Variants in KALRN observed in about 807,000 individuals in gnomAD.
KALRN encodes the protein kalirin RhoGEF kinase.
In KALRN, 70 loss-of-function variants were observed where a neutral mutation model predicts 353.7. That is an observed-to-expected ratio of 0.20 (90% CI 0.16 to 0.24). The LOEUF (loss-of-function observed/expected upper bound fraction) is 0.24. KALRN is among the 10% of genes least tolerant of loss of function. The pLI is 1.00. For synonymous variants in KALRN, 1,391 were observed against 1,434.8 expected, an observed-to-expected ratio of 0.97 and a Z score of 0.69; for missense variants, 2,791 against 3,756.7, an observed-to-expected ratio of 0.74 and a Z score of 6.72.
At chr3:124,380,653 C>T (rs1264405833) in intron 10 of KALRN, among the ~76,000 whole-genome samples, 1 of 152,242 alleles carries the variant, frequency 6.6e-6, no homozygotes, top group Non-Finnish European at 1.5e-5. Flanking sequence ...CAAGGTCAGA[C>T]TCTGGCTTTG....
chr3:124,714,547 C>T lies in KALRN; in HGVS notation c.8276+1412C>T, dbSNP rs193172427. Among the ~76,000 whole-genome samples, 326 of 152,286 alleles carry T rather than the reference C, an allele frequency of 2.1e-3. 3 individuals are homozygous for T. The highest frequency in any genetic ancestry group is 7.8e-3 in the African/African-American group (323 of 41,542). The stretch of plus-strand genomic sequence containing the variant: ...CTCATCTGTGAAGATTGAAATTCCT[C>T]CAACTTCCCAGAGATGTTGCAGGGA... On this transcript the variant is annotated intron_variant, in intron 58 of 59. Coordinates refer to ENST00000682506, the MANE Select transcript of KALRN (RefSeq NM_001388419.1).
intron 34 of KALRN, among the ~76,000 whole-genome samples, chr3:124,591,053 T>C (rs920891510): frequency 1.8e-4 from 27 of 152,182 alleles, no homozygotes; most frequent in African/African-American, 4.6e-4. Context: ...GGGTGTTGAC[T>C]GTGTTGATCT....
At chr3:124,259,300 C>T (rs985496237) in intron 3 of KALRN, among the ~76,000 whole-genome samples, 2 of 152,130 alleles carry the variant, frequency 1.3e-5, no homozygotes. Context: ...CTTGGAGAAG[C>T]GTAGGCATCA....
chr3:124,517,663 G>T (rs2066769056), intron 33 of KALRN, among the ~76,000 whole-genome samples: 1 of 152,116 alleles, frequency 6.6e-6, no homozygotes, highest in Non-Finnish European at 1.5e-5. Context: ...TCTCCAGCTT[G>T]GCTCCCCACT....
In KALRN at chr3:124,430,785, A is replaced by C. The variant is rs200375774; in HGVS notation, c.2829+10A>C. The C allele has an allele frequency of 3.7e-6, 6 of 1,613,278 alleles. No individual in the cohort carries two copies. The highest frequency in any genetic ancestry group is 5.1e-6 in the Non-Finnish European group (6 of 1,179,716). ...CCAACTGGCCATCGAGGTAACACCC[A>C]AATCTGGCTGCACTGTCCTCCCTTC... is the stretch of plus-strand genomic sequence containing the variant. On this transcript the variant is annotated intron_variant, in intron 16 of 59. Transcript: ENST00000682506.
chr3:124,159,206 T>C (rs2069506408), intron 1 of KALRN, among the ~76,000 whole-genome samples: 1 of 152,198 alleles, frequency 6.6e-6, no homozygotes, highest in Admixed American at 6.5e-5. Context: ...CCTCCTTGAG[T>C]ACTTGGCTTA....
At chr3:124,284,900 T>C (rs2075686634) in intron 5 of KALRN, among the ~76,000 whole-genome samples, 1 of 152,226 alleles carries the variant, frequency 6.6e-6, no homozygotes, top group Non-Finnish European at 1.5e-5. Context: ...CAGGATTCTT[T>C]CTATCTCACT....
chr3:124,145,130 C>T (rs1255627170), intron 1 of KALRN, among the ~76,000 whole-genome samples: 3 of 152,140 alleles, frequency 2.0e-5, no homozygotes, highest in Non-Finnish European at 2.9e-5. Flanking sequence ...AAAAGATGCC[C>T]AGCAGCTGGA....
rs537729958 is a variant in KALRN at position 124,264,402 on chromosome 3, G to A, written c.264-96G>A. 5 of 988,276 alleles carry A rather than the reference G, an allele frequency of 5.1e-6. No homozygotes were observed. In the East Asian group the frequency reaches 1.0e-4, roughly 21 times the overall value. 61.2% of individuals were successfully genotyped at this position (988,276 alleles called of 1,614,324 possible). ...GCATGAAGTTGAAAGAGTGATTCTGGTCAAGGGGAGTGCAGGTTTCCGGGT... is the reference window on the plus strand; with the variant it reads ...GCATGAAGTTGAAAGAGTGATTCTGATCAAGGGGAGTGCAGGTTTCCGGGT... On this transcript the variant is annotated intron_variant, in intron 3 of 59. Coordinates refer to ENST00000682506, the MANE Select transcript of KALRN (RefSeq NM_001388419.1).
At chr3:124,228,967 C>A (rs2078870294) in intron 2 of KALRN, among the ~76,000 whole-genome samples, 1 of 152,152 alleles carries the variant, frequency 6.6e-6, no homozygotes, top group Non-Finnish European at 1.5e-5. Context: ...TGTGTCAAAT[C>A]TTTCTCTGCC....
intron 6 of KALRN, among the ~76,000 whole-genome samples, chr3:124,300,992 G>A (rs796385308): frequency 5.3e-5 from 8 of 152,312 alleles, no homozygotes; most frequent in African/African-American, 1.9e-4. Context: ...TTATTTGTGT[G>A]CCTTGTGGAT....
chr3:124,647,246 T>C (rs774352470), intron 37 of KALRN, among the ~76,000 whole-genome samples: 15 of 152,216 alleles, frequency 9.9e-5, no homozygotes, highest in South Asian at 8.3e-4. Context: ...AGGTTCCTTA[T>C]GATCTGATCC....
chr3:124,651,912 A>C (rs913056434), intron 38 of KALRN, among the ~76,000 whole-genome samples: 2 of 152,158 alleles, frequency 1.3e-5, no homozygotes, highest in Non-Finnish European at 2.9e-5. Context: ...TGTTGGGATT[A>C]CAGGCAGGAT....
chr3:124,120,607 G>A (rs951944624), intron 1 of KALRN, among the ~76,000 whole-genome samples: 2 of 151,620 alleles, frequency 1.3e-5, no homozygotes, highest in African/African-American at 2.4e-5. Flanking sequence ...TACTGAGAAT[G>A]AGCCATGTGC....
At chr3:124,602,658 G>A (rs927843204) in intron 34 of KALRN, among the ~76,000 whole-genome samples, 2 of 152,182 alleles carry the variant, frequency 1.3e-5, no homozygotes, top group African/African-American at 4.8e-5. Context: ...GGTCTTAAAG[G>A]GTCAGGAGGG....
Position 124,398,786 on chromosome 3 carries a change from T to G in KALRN, c.2261T>G (p.Val754Gly). The G allele has an allele frequency of 1.2e-6, 2 of 1,614,168 alleles. No homozygotes were observed. Among genetic ancestry groups the G allele is most frequent in the Non-Finnish European group, 1.7e-6 (2 of 1,180,034 alleles). Residue 754 changes from valine (V) to glycine (G), a missense_variant, in exon 13 of 60, where the codon GTG becomes GGG. Physicochemically the swap from Val to Gly is moderately radical, Grantham distance 109. Transcript: ENST00000682506. ...CTGCAGCAGCTTGATGATGCCCAGG[T>G]GCAGATGGAGGAGCTGTTCCACGAG... ...SVLQQLDDAQ[V>G]QMEELFHERK...
At chr3:124,243,621 A>C (rs1428081708) in intron 3 of KALRN, among the ~76,000 whole-genome samples, 1 of 152,202 alleles carries the variant, frequency 6.6e-6, no homozygotes, top group Non-Finnish European at 1.5e-5. Context: ...GTGGAACAAT[A>C]GCAGAGAAAG....
At chr3:124,717,111 A>G in intron 58 of KALRN, 136 bp from the exon 59 acceptor site, 2 of 664,628 alleles carry the variant, frequency 3.0e-6, no homozygotes, top group Admixed American at 3.1e-5. Flanking sequence ...CTAAATATGC[A>G]TGTGTTGCAC....
chr3:124,299,306 C>T (rs1255470385), intron 6 of KALRN, among the ~76,000 whole-genome samples: 2 of 152,072 alleles, frequency 1.3e-5, no homozygotes, highest in East Asian at 1.9e-4. Context: ...GTTGAGTGAC[C>T]CGGGGCTGTT....
Sources: gnomAD v4.1 joint callset for allele counts (sites outside exome capture counted in the v4.1 genomes callset) on GRCh38, gnomAD v4.1.1 for gene constraint, MANE v1.5 for transcripts, NCBI Gene and HGNC (gene_info 2026-07-23, HGNC 2026-07-21) for gene names.